The following PABPC4L variants were observed in gnomAD, a reference collection of about 807,000 sequenced individuals.
PABPC4L encodes the protein polyadenylate-binding protein 4-like.
For missense variants in PABPC4L, 452 were observed against 451.4 expected, an observed-to-expected ratio of 1.00 and a Z score of -0.01; for synonymous variants, 169 against 164.1, an observed-to-expected ratio of 1.03 and a Z score of -0.23.
chr4:134,023,305 T>A, the PABPC4L span, among the ~76,000 whole-genome samples: 40 of 152,260 alleles, frequency 2.6e-4, no homozygotes, highest in Admixed American at 5.2e-4. Context: ...TTATTGGAAG[T>A]TATAAGCCTG....
At chr4:134,133,020 A>T in the PABPC4L span, among the ~76,000 whole-genome samples, 1 of 99,474 alleles carries the variant, frequency 1.0e-5, no homozygotes. Flanking sequence ...GATAGTATAT[A>T]CTATATATAA....
the PABPC4L span, among the ~76,000 whole-genome samples, chr4:134,147,627 A>C: frequency 1.3e-5 from 2 of 152,008 alleles, no homozygotes; most frequent in African/African-American, 4.8e-5. Flanking sequence ...TTGAAATGCT[A>C]TTCTATCTTA....
the PABPC4L span, among the ~76,000 whole-genome samples, chr4:133,989,302 A>C: frequency 6.6e-6 from 1 of 152,134 alleles, no homozygotes; most frequent in African/African-American, 2.4e-5. Context: ...AAATTTTCCA[A>C]GCTTTTATGC....
chr4:133,990,037 A>T, the PABPC4L span, among the ~76,000 whole-genome samples: 2 of 152,048 alleles, frequency 1.3e-5, no homozygotes, highest in African/African-American at 2.4e-5. Context: ...CCATGATTCA[A>T]TTACCTCCCA....
the PABPC4L span, among the ~76,000 whole-genome samples, chr4:134,006,203 T>A: frequency 3.3e-5 from 5 of 151,994 alleles, no homozygotes; most frequent in African/African-American, 9.6e-5. Flanking sequence ...ATTGGGCTAA[T>A]TATAAGAATT....
chr4:134,182,939 TAAAAA>T, the PABPC4L span, among the ~76,000 whole-genome samples: 1 of 151,856 alleles, frequency 6.6e-6, no homozygotes, highest in Non-Finnish European at 1.5e-5. Context: ...TGAGTATTAT[TAAAAA>T]GTCACAAAAT....
chr4:134,189,722 A>T, the PABPC4L span, among the ~76,000 whole-genome samples: 2 of 152,044 alleles, frequency 1.3e-5, no homozygotes, highest in East Asian at 1.9e-4. Context: ...GTGCTCTTGC[A>T]CTATGAACTT....
chr4:134,128,046 G>C, the PABPC4L span, among the ~76,000 whole-genome samples: 1 of 152,000 alleles, frequency 6.6e-6, no homozygotes, highest in African/African-American at 2.4e-5. Context: ...AATCAAACAA[G>C]TAGAAGAAAG....
chr4:134,098,052 T>C, the PABPC4L span, among the ~76,000 whole-genome samples: 1 of 151,884 alleles, frequency 6.6e-6, no homozygotes, highest in South Asian at 2.1e-4. Context: ...CTGAAAAAAA[T>C]ATAGGTATTC....
At chr4:134,127,034 T>TTTCCTTTC in the PABPC4L span, among the ~76,000 whole-genome samples, 2 of 151,932 alleles carry the variant, frequency 1.3e-5, no homozygotes, top group African/African-American at 4.8e-5. Context: ...TGGTGACCTG[T>TTTCCTTTC]CTGACACAGA....
the PABPC4L span, among the ~76,000 whole-genome samples, chr4:134,082,326 G>A: frequency 2.0e-5 from 3 of 151,918 alleles, no homozygotes; most frequent in Non-Finnish European, 4.4e-5. Flanking sequence ...AGATTACTTG[G>A]TTTTTACAGG....
the PABPC4L span, among the ~76,000 whole-genome samples, chr4:134,079,480 G>A: frequency 6.7e-5 from 10 of 149,838 alleles, no homozygotes; most frequent in Admixed American, 2.0e-4. Flanking sequence ...TCCAGAGGCT[G>A]AGGCAGGAGA....
At chr4:134,052,436 TC>T in the PABPC4L span, among the ~76,000 whole-genome samples, 1 of 152,056 alleles carries the variant, frequency 6.6e-6, no homozygotes. Context: ...ATCAAGTACT[TC>T]CAGTCATTAT....
the PABPC4L span, among the ~76,000 whole-genome samples, chr4:134,000,655 C>T: frequency 4.6e-5 from 7 of 152,036 alleles, no homozygotes; most frequent in African/African-American, 7.3e-5. Context: ...TTTGAATTGG[C>T]GACTGAGTAC....
chr4:133,949,966 T>C, the PABPC4L span, among the ~76,000 whole-genome samples: 1 of 152,190 alleles, frequency 6.6e-6, no homozygotes, highest in Non-Finnish European at 1.5e-5. Context: ...GTCCTAATCC[T>C]AAGGAGTGCT....
At chr4:134,024,971 C>G in the PABPC4L span, among the ~76,000 whole-genome samples, 1 of 140,662 alleles carries the variant, frequency 7.1e-6, no homozygotes, top group African/African-American at 2.6e-5. Context: ...CTTACTCTTA[C>G]AGGTCTTACA....
the PABPC4L span, among the ~76,000 whole-genome samples, chr4:134,057,566 C>A: frequency 6.6e-6 from 1 of 152,054 alleles, no homozygotes; most frequent in African/African-American, 2.4e-5. Flanking sequence ...CCTATTACTG[C>A]TCATTGAAGA....
At chr4:133,960,922 G>C in the PABPC4L span, among the ~76,000 whole-genome samples, 21 of 152,184 alleles carry the variant, frequency 1.4e-4, no homozygotes, top group African/African-American at 4.8e-4. Flanking sequence ...CGCCCAAGGA[G>C]AGTCTGAGCT....
chr4:134,123,421 G>C, the PABPC4L span, among the ~76,000 whole-genome samples: 2 of 152,008 alleles, frequency 1.3e-5, no homozygotes, highest in Non-Finnish European at 2.9e-5. Context: ...ATAACTCAGG[G>C]CATCACCTTA....
Sources: gnomAD v4.1 joint callset for allele counts (sites outside exome capture counted in the v4.1 genomes callset) on GRCh38, gnomAD v4.1.1 for gene constraint, MANE v1.5 for transcripts, NCBI Gene and HGNC (gene_info 2026-07-23, HGNC 2026-07-21) for gene names.